The following PEAK1 variants were observed in gnomAD, a reference collection of about 807,000 sequenced individuals.
The protein encoded by PEAK1 is pseudopodium enriched atypical kinase 1.
In PEAK1, 54 loss-of-function variants were observed where a neutral mutation model predicts 124.7. The observed-to-expected ratio is 0.43, with a 90% CI of 0.35 to 0.54. The LOEUF is 0.54. Ranked by LOEUF, PEAK1 falls within the 20% of genes least tolerant of loss-of-function variation. The pLI is 0.01. For synonymous variants in PEAK1, 719 were observed against 760.0 expected (o/e 0.95, Z 0.89); for missense variants, 2,046 against 2,134.5 (o/e 0.96, Z 0.82).
chr15:77,337,045 T>C (rs2066248412), intron 2 of PEAK1: 3 of 846,634 alleles, frequency 3.5e-6, no homozygotes, highest in South Asian at 5.5e-5. Flanking sequence ...TAGGTGTTTA[T>C]GGAGGAAACA....
intron 2 of PEAK1, chr15:77,349,951 T>C: frequency 6.1e-6 from 6 of 984,826 alleles, no homozygotes; most frequent in Non-Finnish European, 7.2e-6. Flanking sequence ...ATCTGCTCCA[T>C]ATTCCAAATT....
At chr15:77,241,041 T>TA (rs1430853811) in intron 6 of PEAK1, among the ~76,000 whole-genome samples, 1 of 152,056 alleles carries the variant, frequency 6.6e-6, no homozygotes, top group South Asian at 2.1e-4. Flanking sequence ...AAAACAGTAC[T>TA]AAAAAAATCA....
At chr15:77,129,412 T>C (rs1452389414) in intron 9 of PEAK1, among the ~76,000 whole-genome samples, 1 of 152,098 alleles carries the variant, frequency 6.6e-6, no homozygotes, top group Non-Finnish European at 1.5e-5. Context: ...GTGATATCCT[T>C]TGGCTTTCAA....
In PEAK1 at chr15:77,110,517, A is replaced by AG. The variant is rs1242117803; in HGVS notation, c.*3638_*3639insC. The stretch of plus-strand genomic sequence containing the variant: ...TAGACTTTCCCATGTTTACAAACTT[A>AG]TTCTGAGTTTGGAAGCAAAAGTGAC... On this transcript the variant is annotated 3_prime_UTR_variant, in exon 10 of 10. Transcript: ENST00000682557. 6.6e-6 allele frequency: 1 copy of AG among 152,200 alleles called. No homozygotes were observed. Among genetic ancestry groups the AG allele is most frequent in the African/African-American group, 2.4e-5 (1 of 41,450 alleles). 9.4% of individuals were successfully genotyped at this position (152,200 alleles called of 1,614,324 possible).
At chr15:77,137,918 G>T (rs1051426279) in intron 8 of PEAK1, among the ~76,000 whole-genome samples, 7 of 152,130 alleles carry the variant, frequency 4.6e-5, no homozygotes, top group Admixed American at 1.3e-4. Context: ...CTGGTGGGAG[G>T]TAACTGAATC....
At chr15:77,349,881 G>A in intron 2 of PEAK1, 1 of 985,210 alleles carries the variant, frequency 1.0e-6, no homozygotes, top group Non-Finnish European at 1.2e-6. Context: ...GAACAATATG[G>A]TATCTAAAAA....
At chr15:77,227,420 C>T (rs2059727054) in intron 6 of PEAK1, among the ~76,000 whole-genome samples, 1 of 151,952 alleles carries the variant, frequency 6.6e-6, no homozygotes, top group South Asian at 2.1e-4. Flanking sequence ...AAATGAACAA[C>T]ATACAGACAG....
chr15:77,419,503 G>A (rs1477638084), intron 1 of PEAK1: 1 of 985,030 alleles, frequency 1.0e-6, no homozygotes, highest in Non-Finnish European at 1.2e-6. Flanking sequence ...GGAGCCACCC[G>A]GCTCCGTCCC....
At chr15:77,304,610 G>A (rs894549062) in intron 2 of PEAK1, among the ~76,000 whole-genome samples, 1 of 151,842 alleles carries the variant, frequency 6.6e-6, no homozygotes, top group African/African-American at 2.4e-5. Flanking sequence ...ACCACGTCCG[G>A]CCAATTTTTT....
chr15:77,336,356 T>C (rs1038635128), intron 2 of PEAK1: 6 of 985,282 alleles, frequency 6.1e-6, no homozygotes, highest in African/African-American at 3.5e-5. Flanking sequence ...CAAAAAGCTC[T>C]CATTATAGAG....
intron 2 of PEAK1, chr15:77,350,264 A>G: frequency 1.3e-5 from 13 of 985,368 alleles, no homozygotes; most frequent in Non-Finnish European, 1.6e-5. Flanking sequence ...CACTCACACT[A>G]ATTTCATATG....
chr15:77,150,748 T>C (rs1425028911), intron 8 of PEAK1, among the ~76,000 whole-genome samples: 3 of 146,954 alleles, frequency 2.0e-5, no homozygotes, highest in African/African-American at 2.5e-5. Context: ...CACCTATGAG[T>C]GAGAACATGT....
At chr15:77,332,101 G>A (rs2065922379) in intron 2 of PEAK1, 11 of 739,940 alleles carry the variant, frequency 1.5e-5, no homozygotes, top group Non-Finnish European at 1.5e-5. Context: ...TCCAGCCTGG[G>A]TGACACAGCA....
intron 2 of PEAK1, among the ~76,000 whole-genome samples, chr15:77,341,651 C>A (rs1044252499): frequency 6.6e-6 from 1 of 152,192 alleles, no homozygotes; most frequent in African/African-American, 2.4e-5. Flanking sequence ...AAGTCCCAAC[C>A]TTCTAATCAC....
intron 6 of PEAK1, among the ~76,000 whole-genome samples, chr15:77,212,031 T>C (rs2058932008): frequency 6.6e-6 from 1 of 152,138 alleles, no homozygotes; most frequent in Non-Finnish European, 1.5e-5. Context: ...ACATTATGTT[T>C]TCTTTATGAT....
intron 1 of PEAK1, among the ~76,000 whole-genome samples, chr15:77,367,731 T>C (rs1041997454): frequency 1.3e-5 from 2 of 152,240 alleles, no homozygotes; most frequent in African/African-American, 4.8e-5. Context: ...AGTAAGTACG[T>C]ATTTTTATGT....
chr15:77,169,413 ACG>A (rs1190877181), intron 7 of PEAK1, among the ~76,000 whole-genome samples: 3 of 152,248 alleles, frequency 2.0e-5, no homozygotes, highest in Non-Finnish European at 4.4e-5. Flanking sequence ...GCAAGTAACT[ACG>A]GCCCATTGGC....
intron 2 of PEAK1, among the ~76,000 whole-genome samples, chr15:77,325,959 T>C (rs1379783098): frequency 1.3e-5 from 2 of 152,048 alleles, no homozygotes; most frequent in Non-Finnish European, 2.9e-5. Context: ...AACAGAGAAC[T>C]AGTACAAATT....
chr15:77,322,366 A>G (rs1398539265), intron 2 of PEAK1, among the ~76,000 whole-genome samples: 1 of 152,202 alleles, frequency 6.6e-6, no homozygotes, highest in African/African-American at 2.4e-5. Flanking sequence ...GATCAACAAA[A>G]TTGATAGACC....
Sources: gnomAD v4.1 joint callset for allele counts (sites outside exome capture counted in the v4.1 genomes callset) on GRCh38, gnomAD v4.1.1 for gene constraint, MANE v1.5 for transcripts, NCBI Gene and HGNC (gene_info 2026-07-23, HGNC 2026-07-21) for gene names.